The following NOX4 variants were observed in gnomAD, a reference collection of about 807,000 sequenced individuals.
NOX4 encodes NADPH oxidase 4, also known as kidney oxidase-1.
In NOX4, 69 loss-of-function variants were observed where a neutral mutation model predicts 87.6. The observed-to-expected ratio is 0.79, with a 90% CI of 0.65 to 0.96. The LOEUF (loss-of-function observed/expected upper bound fraction) is 0.96. Among genes scored for constraint, NOX4 ranks in the 40% least tolerant of loss-of-function variants. NOX4 has a pLI of 0.00. For missense variants in NOX4, 680 were observed against 681.5 expected (o/e 1.00, Z 0.02); for synonymous variants, 275 against 238.2 (o/e 1.15, Z -1.42).
chr11:89,556,580 T>C, the NOX4 span, among the ~76,000 whole-genome samples: 2 of 151,832 alleles, frequency 1.3e-5, no homozygotes, highest in Non-Finnish European at 2.9e-5. Flanking sequence ...TCAGGAGTAA[T>C]AGCAACACTA....
At chr11:89,467,377 A>AAAAAAAAAAATT (rs1945748402) in intron 2 of NOX4, among the ~76,000 whole-genome samples, 1 of 143,634 alleles carries the variant, frequency 7.0e-6, no homozygotes, top group African/African-American at 2.6e-5. Flanking sequence ...AAAAAAAAAA[A>AAAAAAAAAAATT]TTTGTCTTTA....
At chr11:89,583,585 AG>A in the NOX4 span, among the ~76,000 whole-genome samples, 178 of 152,308 alleles carry the variant, frequency 1.2e-3, no homozygotes, top group African/African-American at 4.3e-3. Flanking sequence ...TATCCTAAAA[AG>A]AGCATAAAAA....
Position 89,326,541 on chromosome 11 carries a change from A to G in NOX4, c.*215T>C, listed in dbSNP as rs2135353006. On this transcript the variant is annotated 3_prime_UTR_variant, in exon 18 of 18. Transcript: ENST00000263317. ...TTTGAGAACTGAAAAGTGAATCATC[A>G]CATCAAATATTCTTCAGGGTCTCTT... 1 of 380,686 alleles carries G rather than the reference A, an allele frequency of 2.6e-6. No individual in the cohort carries two copies. The highest frequency in any genetic ancestry group is 4.7e-6 in the Non-Finnish European group (1 of 212,438). 23.6% of individuals were successfully genotyped at this position (380,686 alleles called of 1,614,324 possible).
At chr11:89,482,807 G>C (rs1284720772) in intron 2 of NOX4, among the ~76,000 whole-genome samples, 1 of 152,034 alleles carries the variant, frequency 6.6e-6, no homozygotes, top group Non-Finnish European at 1.5e-5. Flanking sequence ...AGCAAACAGA[G>C]GGAAACACAA....
chr11:89,443,120 C>G (rs568704275), intron 5 of NOX4, among the ~76,000 whole-genome samples: 1 of 152,108 alleles, frequency 6.6e-6, no homozygotes, highest in African/African-American at 2.4e-5. Flanking sequence ...CAATGCCTGC[C>G]TCCCATCCAA....
chr11:89,416,315 A>C (rs1029110658), intron 8 of NOX4, among the ~76,000 whole-genome samples: 1 of 152,204 alleles, frequency 6.6e-6, no homozygotes, highest in African/African-American at 2.4e-5. Flanking sequence ...TGGGCCTTCC[A>C]TTCAAAATGC....
At chr11:89,560,304 G>C in the NOX4 span, among the ~76,000 whole-genome samples, 1 of 152,124 alleles carries the variant, frequency 6.6e-6, no homozygotes, top group African/African-American at 2.4e-5. Flanking sequence ...AGGTTTCACA[G>C]GGAGCATGGC....
chr11:89,406,700 T>G (rs1336297919), intron 8 of NOX4, among the ~76,000 whole-genome samples: 2 of 152,050 alleles, frequency 1.3e-5, no homozygotes, highest in Non-Finnish European at 2.9e-5. Flanking sequence ...GCAATTAAAT[T>G]TGGCTAGTAC....
the NOX4 span, among the ~76,000 whole-genome samples, chr11:89,567,298 C>T: frequency 3.3e-5 from 5 of 152,230 alleles, no homozygotes; most frequent in South Asian, 1.0e-3. Context: ...CAGACAGGCC[C>T]GGATGACATG....
At chr11:89,528,731 T>C in the NOX4 span, among the ~76,000 whole-genome samples, 2 of 152,178 alleles carry the variant, frequency 1.3e-5, no homozygotes, top group Admixed American at 6.5e-5. Flanking sequence ...TGTGAGTCAA[T>C]TAAATTTTTT....
chr11:89,333,880 C>T (rs1945585845), intron 17 of NOX4, among the ~76,000 whole-genome samples: 1 of 151,730 alleles, frequency 6.6e-6, no homozygotes, highest in Non-Finnish European at 1.5e-5. Context: ...AAGTGTTGTA[C>T]AAAATGTCAA....
At chr11:89,458,381 C>T (rs912472566) in intron 2 of NOX4, among the ~76,000 whole-genome samples, 12 of 152,130 alleles carry the variant, frequency 7.9e-5, no homozygotes, top group Non-Finnish European at 1.8e-4. Context: ...GGTAAAAATA[C>T]CATTCAGGAC....
At chr11:89,582,429 C>A in the NOX4 span, among the ~76,000 whole-genome samples, 2,273 of 152,056 alleles carry the variant, frequency 0.015, 47 homozygotes, top group African/African-American at 0.048. Flanking sequence ...TCAAATAATT[C>A]TATTTTTAAC....
At chr11:89,449,774 CA>C (rs1400754700) in intron 3 of NOX4, among the ~76,000 whole-genome samples, 2 of 151,628 alleles carry the variant, frequency 1.3e-5, no homozygotes, top group African/African-American at 4.8e-5. Context: ...AAAAAAGTTA[CA>C]AAAAAACTGC....
chr11:89,483,001 C>T (rs182875886), intron 2 of NOX4, among the ~76,000 whole-genome samples: 1 of 152,158 alleles, frequency 6.6e-6, no homozygotes, highest in African/African-American at 2.4e-5. Context: ...GCTATGTAAC[C>T]TAACTACTCA....
chr11:89,483,632 T>C (rs1453278892), intron 2 of NOX4, among the ~76,000 whole-genome samples: 1 of 149,312 alleles, frequency 6.7e-6, no homozygotes, highest in Non-Finnish European at 1.5e-5. Flanking sequence ...GTAGCTGTTA[T>C]TCAAAGGATA....
At position 89,478,999 on chromosome 11, in the gene NOX4, T is replaced by C. The variant is rs1481207487; in HGVS notation, c.153+11459A>G. 2.1e-5 allele frequency among the ~76,000 whole-genome samples: 3 copies of C among 144,364 alleles called. No individual in the cohort carries two copies. In the East Asian group the frequency reaches 6.0e-4, roughly 29 times the overall value. 94.7% of individuals were successfully genotyped at this position (144,364 alleles called of 152,430 possible). A position where few individuals can be genotyped will look rare whatever the true frequency, so the allele number is the denominator to read the frequency against. On this transcript the variant is annotated intron_variant, in intron 2 of 17. Transcript: ENST00000263317. Reference sequence around the variant, plus strand: ...TGGGCAACATAATGAGATCCTGTTTTGTTTCATCTTAAAAAAAAAAAAAAT... The same window carrying C: ...TGGGCAACATAATGAGATCCTGTTTCGTTTCATCTTAAAAAAAAAAAAAAT...
the NOX4 span, among the ~76,000 whole-genome samples, chr11:89,554,548 T>A: frequency 6.6e-6 from 1 of 152,164 alleles, no homozygotes; most frequent in Non-Finnish European, 1.5e-5. Context: ...CCCAGAATTT[T>A]AGATATCTGT....
chr11:89,365,822 C>T (rs978700923), intron 12 of NOX4, among the ~76,000 whole-genome samples: 2 of 147,670 alleles, frequency 1.4e-5, no homozygotes, highest in African/African-American at 5.0e-5. Flanking sequence ...TCTAAAGAAC[C>T]GAGCAAATAA....
Sources: gnomAD v4.1 joint callset for allele counts (sites outside exome capture counted in the v4.1 genomes callset) on GRCh38, gnomAD v4.1.1 for gene constraint, MANE v1.5 for transcripts, NCBI Gene and HGNC (gene_info 2026-07-23, HGNC 2026-07-21) for gene names.